The following NOL4 variants were observed in gnomAD, a reference collection of about 807,000 sequenced individuals.
The protein encoded by NOL4 is nucleolar protein 4, also known as cancer/testis antigen 125.
A neutral mutation model predicts 75.9 loss-of-function variants in NOL4; 17 were observed. The observed-to-expected ratio is 0.22, with a 90% CI of 0.15 to 0.34. The LOEUF (loss-of-function observed/expected upper bound fraction) is 0.34. Among genes scored for constraint, NOL4 ranks in the 10% least tolerant of loss-of-function variants. The pLI is 1.00. For missense variants in NOL4, 614 were observed against 793.5 expected (o/e 0.77, Z 2.72); for synonymous variants, 292 against 289.9 (o/e 1.01, Z -0.07).
intron 1 of NOL4, among the ~76,000 whole-genome samples, chr18:34,193,711 AT>A (rs1052899113): frequency 5.3e-5 from 8 of 152,212 alleles, no homozygotes; most frequent in Non-Finnish European, 1.2e-4. Flanking sequence ...CTACCATATG[AT>A]CCAGCCATCC....
chr18:33,951,000 C>A (rs2145660916), intron 8 of NOL4, among the ~76,000 whole-genome samples: 1 of 152,184 alleles, frequency 6.6e-6, no homozygotes, highest in Middle Eastern at 3.4e-3. Context: ...TTCCATTTTT[C>A]TTTTCCAGGG....
chr18:33,995,357 C>G (rs2146162489), intron 6 of NOL4, among the ~76,000 whole-genome samples: 1 of 151,676 alleles, frequency 6.6e-6, no homozygotes, highest in African/African-American at 2.4e-5. Flanking sequence ...CAAACATCCT[C>G]AACAAAATAT....
intron 8 of NOL4, among the ~76,000 whole-genome samples, chr18:33,945,867 A>G (rs902248802): frequency 3.3e-5 from 5 of 151,700 alleles, no homozygotes; most frequent in Admixed American, 1.3e-4. Context: ...TCTTCTCTCA[A>G]CTTTGAAGAA....
intron 6 of NOL4, among the ~76,000 whole-genome samples, chr18:34,008,285 A>G (rs2074156952): frequency 6.6e-6 from 1 of 151,942 alleles, no homozygotes; most frequent in Admixed American, 6.6e-5. Flanking sequence ...CTGAGCCTCC[A>G]GCTGGCTGAC....
intron 8 of NOL4, among the ~76,000 whole-genome samples, chr18:33,951,952 C>T (rs141309419): frequency 1.2e-4 from 19 of 152,256 alleles, no homozygotes; most frequent in African/African-American, 4.6e-4. Context: ...TACCCCAGCC[C>T]TAATCTGTCT....
intron 8 of NOL4, among the ~76,000 whole-genome samples, chr18:33,950,156 T>C (rs1300668024): frequency 3.3e-5 from 5 of 151,918 alleles, no homozygotes; most frequent in Non-Finnish European, 4.4e-5. Flanking sequence ...TCCCACTAAT[T>C]GTTAAATAGA....
chr18:34,087,114 T>C (rs1041940588), intron 5 of NOL4, among the ~76,000 whole-genome samples: 1 of 152,106 alleles, frequency 6.6e-6, no homozygotes, highest in African/African-American at 2.4e-5. Context: ...ACAAGCATAG[T>C]GTGGAGCACT....
At chr18:34,091,904 C>A (rs570849631) in intron 5 of NOL4, among the ~76,000 whole-genome samples, 4 of 152,062 alleles carry the variant, frequency 2.6e-5, no homozygotes, top group African/African-American at 9.7e-5. Flanking sequence ...TGGAGTTATT[C>A]TACTGCATTT....
At chr18:34,064,438 G>A (rs969537257) in intron 5 of NOL4, among the ~76,000 whole-genome samples, 1 of 151,814 alleles carries the variant, frequency 6.6e-6, no homozygotes, top group African/African-American at 2.4e-5. Context: ...TAAAAACCTT[G>A]GGCCCTGTAC....
intron 5 of NOL4, among the ~76,000 whole-genome samples, chr18:34,031,678 A>T (rs2075646708): frequency 6.6e-6 from 1 of 152,246 alleles, no homozygotes; most frequent in Non-Finnish European, 1.5e-5. Flanking sequence ...TATGAAAGTG[A>T]CAGGAACTAC....
At chr18:34,171,771 A>C (rs2033064582) in intron 1 of NOL4, among the ~76,000 whole-genome samples, 1 of 152,194 alleles carries the variant, frequency 6.6e-6, no homozygotes, top group Admixed American at 6.5e-5. Context: ...AGAAACTTTG[A>C]GTCTGAGCCA....
chr18:33,916,165 T>A (rs571267318), intron 9 of NOL4, among the ~76,000 whole-genome samples: 4 of 152,138 alleles, frequency 2.6e-5, no homozygotes, highest in Non-Finnish European at 4.4e-5. Context: ...TGGAGTGCTA[T>A]GCTTCTATTT....
At chr18:33,865,570 A>C (rs1052819583) in intron 10 of NOL4, among the ~76,000 whole-genome samples, 3 of 152,106 alleles carry the variant, frequency 2.0e-5, no homozygotes, top group South Asian at 2.1e-4. Flanking sequence ...TAAAAAAAAA[A>C]CTACATTTTA....
At chr18:34,127,752 C>T (rs990603951) in intron 2 of NOL4, among the ~76,000 whole-genome samples, 1 of 151,844 alleles carries the variant, frequency 6.6e-6, no homozygotes, top group African/African-American at 2.4e-5. Context: ...TATTTTGTTT[C>T]TTTCCTATAA....
chr18:33,978,786 T>G (rs1314907864), intron 6 of NOL4, among the ~76,000 whole-genome samples: 1 of 151,834 alleles, frequency 6.6e-6, no homozygotes, highest in Non-Finnish European at 1.5e-5. Context: ...ATATAAATGC[T>G]ATTTAAATAA....
At chr18:33,900,697 C>T (rs1048473150) in intron 9 of NOL4, among the ~76,000 whole-genome samples, 2 of 152,200 alleles carry the variant, frequency 1.3e-5, no homozygotes, top group African/African-American at 2.4e-5. Context: ...ACATCCTTCA[C>T]CAGATTATCT....
intron 5 of NOL4, among the ~76,000 whole-genome samples, chr18:34,055,840 G>A (rs1042368777): frequency 6.6e-6 from 1 of 151,432 alleles, no homozygotes; most frequent in Non-Finnish European, 1.5e-5. Flanking sequence ...GATTTCAAAT[G>A]TCCTGTCTTA....
chr18:34,100,370 C>G (rs1404504509), intron 4 of NOL4, among the ~76,000 whole-genome samples: 1 of 152,128 alleles, frequency 6.6e-6, no homozygotes, highest in African/African-American at 2.4e-5. Flanking sequence ...CTACCTCTTT[C>G]CCCTGCTCCC....
intron 5 of NOL4, among the ~76,000 whole-genome samples, chr18:34,091,756 G>A (rs1005723127): frequency 9.9e-5 from 15 of 152,102 alleles, no homozygotes; most frequent in Admixed American, 6.5e-5. Flanking sequence ...GAAAGAGGAC[G>A]GATCACTGCA....
Sources: gnomAD v4.1 joint callset for allele counts (sites outside exome capture counted in the v4.1 genomes callset) on GRCh38, gnomAD v4.1.1 for gene constraint, MANE v1.5 for transcripts, NCBI Gene and HGNC (gene_info 2026-07-23, HGNC 2026-07-21) for gene names.